The following ATP11A variants were observed in gnomAD, a reference collection of about 807,000 sequenced individuals.
ATP11A encodes the protein phospholipid-transporting ATPase IH.
ATP11A carries 81 observed loss-of-function variants against 154.4 expected under a neutral mutation model. That is an observed-to-expected ratio of 0.52 (90% confidence interval 0.44 to 0.63). The LOEUF (loss-of-function observed/expected upper bound fraction) is 0.63, where lower values mean the gene tolerates loss of function less well. Among genes scored for constraint, ATP11A ranks in the 30% least tolerant of loss-of-function variants. ATP11A has a pLI of 0.00. For missense variants in ATP11A, 1,316 were observed against 1,474.3 expected (o/e 0.89, Z 1.76); for synonymous variants, 623 against 585.9 (o/e 1.06, Z -0.91).
chr13:112,770,492 C>T (rs1470074335), intron 1 of ATP11A, among the ~76,000 whole-genome samples: 2 of 152,184 alleles, frequency 1.3e-5, no homozygotes, highest in African/African-American at 4.8e-5. Flanking sequence ...TGATCCTGTC[C>T]CAGCAGATGC....
At chr13:112,759,981 T>A (rs1299293052) in intron 1 of ATP11A, among the ~76,000 whole-genome samples, 1 of 152,192 alleles carries the variant, frequency 6.6e-6, no homozygotes, top group Non-Finnish European at 1.5e-5. Flanking sequence ...CCTGTCATCA[T>A]TAACTGGACA....
chr13:112,863,851 C>T (rs1451496634), intron 25 of ATP11A, among the ~76,000 whole-genome samples: 1 of 89,534 alleles, frequency 1.1e-5, no homozygotes, highest in Non-Finnish European at 2.4e-5. Flanking sequence ...CGCAGTAATT[C>T]AGTGCGGCCC....
chr13:112,880,860 C>T (rs773671093), intron 29 of ATP11A: 15 of 1,066,346 alleles, frequency 1.4e-5, no homozygotes, highest in East Asian at 8.6e-5. Context: ...TGCACACACA[C>T]GTGTGCACAC....
intron 1 of ATP11A, among the ~76,000 whole-genome samples, chr13:112,708,724 C>A (rs1392301378): frequency 6.6e-6 from 1 of 152,206 alleles, no homozygotes; most frequent in African/African-American, 2.4e-5. Context: ...CACTGTGGGC[C>A]CCACGTGGGC....
chr13:112,846,168 C>G (rs1432039120), intron 17 of ATP11A, among the ~76,000 whole-genome samples: 1 of 152,124 alleles, frequency 6.6e-6, no homozygotes, highest in Non-Finnish European at 1.5e-5. Context: ...CTTTGCTCAG[C>G]CGTGTTGAGC....
chr13:112,881,429 AG>A, intron 29 of ATP11A: 2 of 1,048,838 alleles, frequency 1.9e-6, no homozygotes, highest in South Asian at 6.6e-5. Flanking sequence ...CTTTTGTTCA[AG>A]GGTCTCTGGG....
chr13:112,702,447 C>T (rs542024603), intron 1 of ATP11A, among the ~76,000 whole-genome samples: 1 of 152,170 alleles, frequency 6.6e-6, no homozygotes, highest in Non-Finnish European at 1.5e-5. Flanking sequence ...GAAGCAGAGC[C>T]TCGGAAGGCG....
rs1422975840 is a variant in ATP11A, at chr13:112,875,780, T to C, written c.3166T>C (p.Phe1056Leu). ...SLLWGGVIWP[F>L]LNYQRMYYVF... ...CTTCTCTTCCCTGCCCCTCAGGCCG[T>C]TCCTCAACTACCAGAGGATGTACTA... Residue 1056 changes from phenylalanine to leucine, a missense_variant, in exon 28 of 30, where the codon TTC becomes CTC. Phe to Leu is a conservative substitution (Grantham distance 22). This residue lies in a region of ATP11A where 294 missense variants were observed against 290.2 expected (regional missense o/e 1.01). Coordinates refer to ENST00000375645, the MANE Select transcript of ATP11A (RefSeq NM_015205.3). The surrounding 1 kb of genome is among the most constrained non-coding windows in gnomAD (Gnocchi z 4.1). 1.9e-6 allele frequency: 3 copies of C among 1,613,330 alleles called. No homozygotes were observed. The South Asian group carries it at 3.3e-5, about 18-fold the overall frequency.
In ATP11A at chr13:112,690,267, G is replaced by T; in HGVS notation, c.-150G>T. On this transcript the variant is annotated 5_prime_UTR_variant, in exon 1 of 30. It introduces an in-frame stop codon into an upstream open reading frame of the 5' UTR. Transcript: ENST00000375645. This position sits in a 1 kb window ranked among gnomAD's most constrained non-coding sequence, Gnocchi z 5.6. ...GCCGGCCGGGCCGGGCATGAGCGCGGAGGGGCCGCGGCCGCCCCCTGCACC... is the reference window on the plus strand; with the variant it reads ...GCCGGCCGGGCCGGGCATGAGCGCGTAGGGGCCGCGGCCGCCCCCTGCACC... 3.1e-6 allele frequency: 1 copy of T among 319,370 alleles called. No homozygotes were observed. The highest frequency in any genetic ancestry group is 4.6e-6 in the Non-Finnish European group (1 of 215,942). 19.8% of individuals were successfully genotyped at this position (319,370 alleles called of 1,614,324 possible).
chr13:112,827,746 C>T (rs2078969914), intron 12 of ATP11A, among the ~76,000 whole-genome samples: 1 of 152,234 alleles, frequency 6.6e-6, no homozygotes, highest in Non-Finnish European at 1.5e-5. Flanking sequence ...ATCTCGCTCC[C>T]AGATGACAGC....
At chr13:112,747,833 A>C (rs1010416629) in intron 1 of ATP11A, among the ~76,000 whole-genome samples, 2 of 145,990 alleles carry the variant, frequency 1.4e-5, no homozygotes, top group Non-Finnish European at 3.0e-5. Context: ...GTAAGACTCC[A>C]TCTCAAAAAA....
At chr13:112,810,533 AAC>A in intron 4 of ATP11A, 84 bp from the exon 5 acceptor site, 4 of 1,141,376 alleles carry the variant, frequency 3.5e-6, no homozygotes, top group Non-Finnish European at 5.2e-6. Flanking sequence ...GACATAATTA[AAC>A]ACAAGCCTTC....
At chr13:112,759,078 G>A (rs2076908431) in intron 1 of ATP11A, among the ~76,000 whole-genome samples, 1 of 152,292 alleles carries the variant, frequency 6.6e-6, no homozygotes. Flanking sequence ...AAACAGCAAC[G>A]TGTGCAGGGT....
At chr13:112,870,807 C>T (rs2080492906) in intron 25 of ATP11A, among the ~76,000 whole-genome samples, 1 of 152,270 alleles carries the variant, frequency 6.6e-6, no homozygotes, top group South Asian at 2.1e-4. Context: ...AACAAGTTTC[C>T]AGTCGGGGGT....
chr13:112,707,415 C>CAAAAAA (rs35020608), intron 1 of ATP11A, among the ~76,000 whole-genome samples: 1 of 80,702 alleles, frequency 1.2e-5, no homozygotes. Flanking sequence ...AATTCTGTCT[C>CAAAAAA]AAAAAAAAAA....
chr13:112,736,027 C>T (rs1375386494), intron 1 of ATP11A, among the ~76,000 whole-genome samples: 1 of 152,182 alleles, frequency 6.6e-6, no homozygotes, highest in Non-Finnish European at 1.5e-5. Flanking sequence ...TGCAGGGCCT[C>T]CTCCCGTGCC....
chr13:112,858,976 A>G, intron 22 of ATP11A: 1 of 261,960 alleles, frequency 3.8e-6, no homozygotes, highest in Non-Finnish European at 7.5e-6. Context: ...ACCCCTGAGG[A>G]TGAGGAGGGC....
chr13:112,777,888 C>T (rs1199749556), intron 1 of ATP11A, among the ~76,000 whole-genome samples: 1 of 152,210 alleles, frequency 6.6e-6, no homozygotes, highest in African/African-American at 2.4e-5. Flanking sequence ...CCGTGCCTTT[C>T]TCCCCCAACG....
chr13:112,809,661 G>A (rs1391603100), intron 4 of ATP11A, among the ~76,000 whole-genome samples: 1 of 152,134 alleles, frequency 6.6e-6, no homozygotes, highest in Non-Finnish European at 1.5e-5. Flanking sequence ...ATTAGATGCG[G>A]TGGACGTGGA....
Sources: allele counts gnomAD v4.1 joint callset (sites outside exome capture counted in the v4.1 genomes callset), GRCh38; gene constraint gnomAD v4.1.1; regional missense constraint gnomAD v4.1.1; non-coding constraint Gnocchi (gnomAD v3.1); transcripts MANE v1.5; gene names NCBI Gene and HGNC (gene_info 2026-07-23, HGNC 2026-07-21).